INTS4: variants seen among roughly 807,000 people sequenced by gnomAD.
INTS4 encodes integrator complex subunit 4.
Under a neutral mutation model 119.5 loss-of-function variants are expected in INTS4, and 70 were observed. The observed-to-expected ratio is 0.59, with a 90% CI of 0.48 to 0.71. The LOEUF is 0.71. Ranked by LOEUF, INTS4 falls within the 30% of genes least tolerant of loss-of-function variation. The pLI, the probability that INTS4 is intolerant of heterozygous loss-of-function variation, is 0.00. For missense variants in INTS4, 867 were observed against 1,173.2 expected (o/e 0.74, Z 3.81); for synonymous variants, 316 against 419.6 (o/e 0.75, Z 3.02).
At chr11:77,931,533 G>C (rs565957335) in intron 10 of INTS4, among the ~76,000 whole-genome samples, 26 of 152,224 alleles carry the variant, frequency 1.7e-4, no homozygotes, top group African/African-American at 6.3e-4. Flanking sequence ...TATTCTATAT[G>C]ATGTGATTAT....
intron 10 of INTS4, among the ~76,000 whole-genome samples, chr11:77,934,960 T>G (rs1953753038): frequency 6.6e-6 from 1 of 152,224 alleles, no homozygotes; most frequent in Admixed American, 6.5e-5. Flanking sequence ...TAGGCACTTT[T>G]AAGACCTCGC....
intron 21 of INTS4, among the ~76,000 whole-genome samples, chr11:77,887,505 C>G (rs1278868183): frequency 6.6e-6 from 1 of 152,110 alleles, no homozygotes; most frequent in East Asian, 1.9e-4. Flanking sequence ...CCTTTGAAAA[C>G]TGGCACAAGA....
intron 4 of INTS4, among the ~76,000 whole-genome samples, chr11:77,967,621 A>G (rs1273899422): frequency 6.6e-6 from 1 of 152,188 alleles, no homozygotes; most frequent in Non-Finnish European, 1.5e-5. Context: ...ACGCAACATC[A>G]TGAACAAGTC....
rs1230351918 is a variant in INTS4 at position 77,956,577 on chromosome 11, CAT to C, written c.798-517_798-516del. Among the ~76,000 whole-genome samples the C allele has an allele frequency of 3.9e-5, 6 of 151,952 alleles. No homozygotes were observed. In the South Asian group the frequency reaches 6.2e-4, roughly 16 times the overall value. On this transcript the variant is annotated intron_variant, in intron 7 of 22. Coordinates refer to ENST00000534064, the MANE Select transcript of INTS4 (RefSeq NM_033547.4). ...TAAAAATTAGCCAGGCATGGTGACA[CAT>C]GTCTGCAATTCCAGCTACTCAGGAG...
At chr11:77,918,497 T>A (rs1385586851) in intron 15 of INTS4, 1 of 271,982 alleles carries the variant, frequency 3.7e-6, no homozygotes, top group Non-Finnish European at 7.0e-6. Context: ...TGAGAAAGAA[T>A]TAAACTTTGC....
chr11:77,920,194 T>TATATACAC (rs1555026365), intron 14 of INTS4, among the ~76,000 whole-genome samples: 2,005 of 138,750 alleles, frequency 0.014, 45 homozygotes, highest in African/African-American at 0.051. Context: ...CACATATATA[T>TATATACAC]ACATATATAT....
intron 15 of INTS4, among the ~76,000 whole-genome samples, chr11:77,915,891 G>A (rs1037637168): frequency 1.3e-5 from 2 of 152,226 alleles, no homozygotes; most frequent in African/African-American, 4.8e-5. Context: ...ATAATGTTAA[G>A]TGGGAAGAAA....
At chr11:77,876,127 A>T (rs183992454), downstream of INTS4, among the ~76,000 whole-genome samples, 6 of 152,266 alleles carry the variant, frequency 3.9e-5, no homozygotes, top group East Asian at 7.7e-4. Context: ...AGGAAGAGGA[A>T]TCTAAAGGAC....
intron 18 of INTS4, among the ~76,000 whole-genome samples, chr11:77,894,841 T>C (rs866352956): frequency 3.0e-4 from 46 of 152,356 alleles, no homozygotes; most frequent in Middle Eastern, 6.8e-3. Context: ...CTGCACTCAA[T>C]GAAGCCTACA....
downstream of INTS4, chr11:77,876,891 C>A: frequency 1.5e-6 from 1 of 682,348 alleles, no homozygotes; most frequent in South Asian, 1.6e-5. Context: ...AGAAGGTTTT[C>A]TATAATTACA....
rs376464347 is a variant in INTS4 at position 77,991,333 on chromosome 11, T to A, written c.55-34A>T. 3.6e-5 allele frequency: 55 copies of A among 1,548,358 alleles called. No homozygotes were observed. The African/African-American group carries it at 6.3e-4, about 18-fold the overall frequency. ...GGTAGAGAAAATCGAAAACACAGAA[T>A]CTGCAAATTTAACTTTGCCTCATTT... is the stretch of plus-strand genomic sequence containing the variant. On this transcript the variant is annotated intron_variant, in intron 1 of 22. Transcript: ENST00000534064.
intron 4 of INTS4, among the ~76,000 whole-genome samples, chr11:77,972,828 T>C (rs973287713): frequency 1.2e-4 from 15 of 122,914 alleles, no homozygotes; most frequent in African/African-American, 5.2e-4. Context: ...TTTTCTTTTG[T>C]GGGTTTTTTT....
chr11:77,898,511 AATCTTC>A (rs1333681723), intron 18 of INTS4, among the ~76,000 whole-genome samples: 1 of 152,142 alleles, frequency 6.6e-6, no homozygotes, highest in Non-Finnish European at 1.5e-5. Context: ...AGCATACTAA[AATCTTC>A]ATCTTCATCT....
intron 21 of INTS4, among the ~76,000 whole-genome samples, chr11:77,889,512 A>T (rs1480357277): frequency 2.0e-5 from 3 of 152,178 alleles, no homozygotes; most frequent in Non-Finnish European, 2.9e-5. Context: ...TAACCTGCAC[A>T]TTGTGCACAT....
chr11:77,980,634 C>A (rs903751954), intron 3 of INTS4, among the ~76,000 whole-genome samples: 9 of 152,214 alleles, frequency 5.9e-5, no homozygotes, highest in Admixed American at 6.5e-5. Context: ...CCACCTCGAC[C>A]TCCCAAAGTT....
chr11:77,944,957 G>A (rs939169545), intron 8 of INTS4, among the ~76,000 whole-genome samples: 7 of 152,134 alleles, frequency 4.6e-5, no homozygotes, highest in African/African-American at 1.4e-4. Context: ...GCTCACCAGA[G>A]TTACCTGGCA....
chr11:77,889,775 G>T (rs1952183167), intron 21 of INTS4, among the ~76,000 whole-genome samples: 1 of 152,126 alleles, frequency 6.6e-6, no homozygotes, highest in Admixed American at 6.6e-5. Flanking sequence ...GTCCCACGAT[G>T]GGGCAGTGAG....
At chr11:77,988,823 A>C (rs943186329) in intron 2 of INTS4, among the ~76,000 whole-genome samples, 1 of 152,238 alleles carries the variant, frequency 6.6e-6, no homozygotes, top group Non-Finnish European at 1.5e-5. Flanking sequence ...AATTCAGAAA[A>C]CAAGACATTT....
chr11:77,885,851 G>A (rs998129339), intron 21 of INTS4, among the ~76,000 whole-genome samples: 1 of 151,510 alleles, frequency 6.6e-6, no homozygotes, highest in African/African-American at 2.4e-5. Flanking sequence ...AAAAAGAAGG[G>A]CAGAGGGGGG....
Sources: allele counts gnomAD v4.1 joint callset (sites outside exome capture counted in the v4.1 genomes callset), GRCh38; gene constraint gnomAD v4.1.1; transcripts MANE v1.5; gene names NCBI Gene and HGNC (gene_info 2026-07-23, HGNC 2026-07-21).